The following PCSK5 variants were observed in gnomAD, a reference collection of about 807,000 sequenced individuals.
PCSK5 encodes the protein proprotein convertase subtilisin/kexin type 5.
Under a neutral mutation model 233.2 loss-of-function variants are expected in PCSK5, and 129 were observed. That is an observed-to-expected ratio of 0.55 (90% confidence interval 0.48 to 0.64). PCSK5 has a LOEUF of 0.64. Ranked by LOEUF, PCSK5 falls within the 30% of genes least tolerant of loss-of-function variation. The pLI, the probability that PCSK5 is intolerant of heterozygous loss-of-function variation, is 0.00. For missense variants in PCSK5, 2,076 were observed against 2,430.1 expected, an observed-to-expected ratio of 0.85 and a Z score of 3.06; for synonymous variants, 825 against 879.2, an observed-to-expected ratio of 0.94 and a Z score of 1.09.
In PCSK5 at chr9:76,328,247, A is replaced by T. The variant is rs763804722; in HGVS notation, c.4570+8A>T. On this transcript the variant is annotated splice_region_variant and intron_variant, in intron 33 of 37. Coordinates refer to ENST00000674117, the MANE Select transcript of PCSK5 (RefSeq NM_001372043.1). ...TGAACAGCCTTCTTCTCAGTGAGTT[A>T]CTTCTCCGAGGACAGCTTTGTGTTT... 3.1e-6 allele frequency: 5 copies of T among 1,592,726 alleles called. No homozygotes were observed. Among genetic ancestry groups the T allele is most frequent in the Non-Finnish European group, 4.3e-6 (5 of 1,161,462 alleles).
chr9:76,212,748 T>C (rs891837785), intron 20 of PCSK5, among the ~76,000 whole-genome samples: 1 of 152,236 alleles, frequency 6.6e-6, no homozygotes, highest in Non-Finnish European at 1.5e-5. Flanking sequence ...ACAAACCCTG[T>C]GCTAAGTGCC....
At position 76,071,711 on chromosome 9, in the gene PCSK5, C is replaced by G. The variant is rs1564009265; in HGVS notation, c.722-15C>G. 1.2e-6 allele frequency: 2 copies of G among 1,603,390 alleles called. No individual in the cohort carries two copies. The highest frequency in any genetic ancestry group is 1.7e-5 in the Admixed American group (1 of 59,194). ...GAAGCCCTGTAATGAGCTAGTTCTC[C>G]TTTCTGTGTTGAAGGAGTGCGAATG... On this transcript the variant is annotated splice_polypyrimidine_tract_variant and intron_variant, in intron 6 of 37. Coordinates refer to ENST00000674117, the MANE Select transcript of PCSK5 (RefSeq NM_001372043.1).
In PCSK5 at chr9:76,175,271, GGAATC is replaced by G. The variant is rs1163285714; in HGVS notation, c.1900+162_1900+166del. Reference sequence around the variant, plus strand: ...GGAATGGAATGGAATGGAATGGAATGGAATCGAATCGAATCGAATCGAATAGAATA... The same window carrying G: ...GGAATGGAATGGAATGGAATGGAATGGAATCGAATCGAATCGAATAGAATA... On this transcript the variant is annotated intron_variant, in intron 14 of 37. Transcript: ENST00000674117. 892 of 517,192 alleles carry G rather than the reference GGAATC, an allele frequency of 1.7e-3. 13 individuals carry two copies. The African/African-American group carries it at 0.019, about 11-fold the overall frequency. The allele number at this position is 517,192 out of a possible 1,614,324, so 32.0% of individuals were successfully genotyped here. A position where few individuals can be genotyped will look rare whatever the true frequency, so the allele number is the denominator to read the frequency against.
intron 9 of PCSK5, among the ~76,000 whole-genome samples, chr9:76,125,711 A>G (rs1832822280): frequency 6.6e-6 from 1 of 152,194 alleles, no homozygotes; most frequent in Non-Finnish European, 1.5e-5. Context: ...ACAAGAAAAA[A>G]ATCCACAAGT....
At chr9:76,082,087 G>C (rs1226397536) in intron 7 of PCSK5, among the ~76,000 whole-genome samples, 3 of 151,950 alleles carry the variant, frequency 2.0e-5, no homozygotes, top group Non-Finnish European at 4.4e-5. Flanking sequence ...AACATCCTAG[G>C]CTTCTTAGTA....
At position 75,966,462 on chromosome 9, in the gene PCSK5, A is replaced by T. The variant is rs145375197; in HGVS notation, c.298-19670A>T. Reference sequence around the variant, plus strand: ...TACTTACAAGTAGGTTATTTATTGGATACATTGCCCATAAGGAGAGCAACT... The same window carrying T: ...TACTTACAAGTAGGTTATTTATTGGTTACATTGCCCATAAGGAGAGCAACT... On this transcript the variant is annotated intron_variant, in intron 2 of 37. Transcript: ENST00000674117. Among the ~76,000 whole-genome samples, 340 of 152,368 alleles carry T rather than the reference A, an allele frequency of 2.2e-3. 2 individuals are homozygous for T. Among genetic ancestry groups the T allele is most frequent in the Non-Finnish European group, 4.2e-3 (284 of 68,044 alleles).
intron 1 of PCSK5, among the ~76,000 whole-genome samples, chr9:75,929,851 T>A (rs1823696941): frequency 6.7e-6 from 1 of 150,040 alleles, no homozygotes; most frequent in Non-Finnish European, 1.5e-5. Flanking sequence ...CTTATAAAAC[T>A]GTCAGATCTC....
intron 1 of PCSK5, among the ~76,000 whole-genome samples, chr9:75,908,300 A>C (rs1285638828): frequency 1.3e-5 from 2 of 152,210 alleles, no homozygotes; most frequent in African/African-American, 4.8e-5. Context: ...GATAGAGGGA[A>C]AGGTGAATTG....
intron 21 of PCSK5, among the ~76,000 whole-genome samples, chr9:76,232,232 G>C (rs1249255006): frequency 7.2e-5 from 11 of 152,174 alleles, no homozygotes; most frequent in Non-Finnish European, 1.6e-4. Flanking sequence ...AGCATAAGTG[G>C]AGAGGAGTAG....
At chr9:76,138,412 C>T (rs1212051134) in intron 10 of PCSK5, among the ~76,000 whole-genome samples, 3 of 152,046 alleles carry the variant, frequency 2.0e-5, no homozygotes, top group Non-Finnish European at 4.4e-5. Context: ...ATAGTACATG[C>T]AGATCCATAG....
At chr9:76,134,296 CT>C (rs1364804498) in intron 10 of PCSK5, 84 bp downstream of exon 10, 2 of 762,316 alleles carry the variant, frequency 2.6e-6, no homozygotes, top group African/African-American at 3.6e-5. Flanking sequence ...AACAGAACCC[CT>C]CAAACGAAAC....
intron 22 of PCSK5, among the ~76,000 whole-genome samples, chr9:76,236,737 ACT>A (rs928581095): frequency 2.4e-4 from 36 of 152,296 alleles, no homozygotes; most frequent in African/African-American, 8.4e-4. Context: ...TATTTTAAAC[ACT>A]GAGACCCCCT....
intron 24 of PCSK5, among the ~76,000 whole-genome samples, chr9:76,268,935 A>G (rs1370899922): frequency 6.6e-6 from 1 of 152,220 alleles, no homozygotes; most frequent in Non-Finnish European, 1.5e-5. Context: ...GCTGCCACTA[A>G]TTAACTGTTT....
intron 7 of PCSK5, among the ~76,000 whole-genome samples, chr9:76,090,982 GC>G (rs1564020243): frequency 6.6e-6 from 1 of 151,866 alleles, no homozygotes; most frequent in Admixed American, 6.6e-5. Context: ...AGGTTCGAGC[GC>G]CTGTGAGAAT....
chr9:76,107,215 G>T, intron 8 of PCSK5, 36 bp from the exon 9 acceptor site: 1 of 1,363,194 alleles, frequency 7.3e-7, no homozygotes, highest in Non-Finnish European at 1.0e-6. Context: ...ACTCACATTG[G>T]CCTCAGAAAT....
chr9:76,031,135 C>T (rs1159012023), intron 5 of PCSK5, among the ~76,000 whole-genome samples: 1 of 152,138 alleles, frequency 6.6e-6, no homozygotes, highest in Admixed American at 6.5e-5. Context: ...AGCATGTAGT[C>T]AGGCATTTAG....
At chr9:75,908,927 CTATCTCTCTCTCTGTCTATCTATCTA>C (rs1564074881) in intron 1 of PCSK5, among the ~76,000 whole-genome samples, 6 of 104,370 alleles carry the variant, frequency 5.7e-5, no homozygotes, top group South Asian at 2.8e-4. Context: ...ATCTATCTCT[CTATCTCTCTCTCTGTCTATCTATCTA>C]TCTATCTATC....
intron 3 of PCSK5, among the ~76,000 whole-genome samples, chr9:75,999,672 A>T (rs925713314): frequency 5.3e-5 from 8 of 152,186 alleles, no homozygotes; most frequent in African/African-American, 1.7e-4. Flanking sequence ...GTAAATCCAC[A>T]ACCTTCCAGC....
At chr9:76,083,427 C>G (rs535964220) in intron 7 of PCSK5, among the ~76,000 whole-genome samples, 1 of 152,028 alleles carries the variant, frequency 6.6e-6, no homozygotes, top group African/African-American at 2.4e-5. Flanking sequence ...TTTAGTAATA[C>G]CAATTAAAGC....
Sources: gnomAD v4.1 joint callset for allele counts (sites outside exome capture counted in the v4.1 genomes callset) on GRCh38, gnomAD v4.1.1 for gene constraint, MANE v1.5 for transcripts, NCBI Gene and HGNC (gene_info 2026-07-23, HGNC 2026-07-21) for gene names.